The following SUPV3L1 variants were observed in gnomAD, a reference collection of about 807,000 sequenced individuals.
The protein encoded by SUPV3L1 is Suv3 like RNA helicase.
SUPV3L1 carries 35 observed loss-of-function variants against 70.0 expected under a neutral mutation model. The ratio of observed to expected loss-of-function variants is 0.50; its 90% CI spans 0.38 to 0.66. The LOEUF is 0.66. Among genes scored for constraint, SUPV3L1 ranks in the 30% least tolerant of loss-of-function variants. The pLI is 0.00. For missense variants in SUPV3L1, 777 were observed against 961.5 expected (o/e 0.81, Z 2.54); for synonymous variants, 364 against 341.9 (o/e 1.06, Z -0.71).
At chr10:69,196,353 G>A (rs113260856) in intron 7 of SUPV3L1, among the ~76,000 whole-genome samples, 353 of 152,146 alleles carry the variant, frequency 2.3e-3, no homozygotes, top group African/African-American at 7.8e-3. Context: ...TTAGCCAGGC[G>A]TGGTGGCGCA....
chr10:69,199,267 T>G, intron 10 of SUPV3L1, 70 bp downstream of exon 10: 1 of 1,210,382 alleles, frequency 8.3e-7, no homozygotes, highest in Non-Finnish European at 1.2e-6. Context: ...TTTTCAGTTT[T>G]CTAATTGGCA....
intron 6 of SUPV3L1, chr10:69,192,883 A>G (rs1842434180): frequency 6.6e-6 from 1 of 152,116 alleles, no homozygotes; most frequent in Non-Finnish European, 1.5e-5. Context: ...TTTTTTATTA[A>G]TAAATTTTTT....
At chr10:69,190,522 T>C (rs779096418) in intron 5 of SUPV3L1, among the ~76,000 whole-genome samples, 5 of 152,234 alleles carry the variant, frequency 3.3e-5, no homozygotes, top group Admixed American at 2.6e-4. Context: ...AACAGACTTT[T>C]ACGTAACCAC....
In SUPV3L1 at chr10:69,180,452, G is replaced by C; in HGVS notation, c.161G>C (p.Gly54Ala). The change falls in exon 1 of 15, where the codon GGT becomes GCT. Residue 54 changes from glycine (G) to alanine (A), a missense_variant. Physicochemically the swap from Gly to Ala is moderately conservative, Grantham distance 60 (BLOSUM62 0). Coordinates refer to ENST00000359655, the MANE Select transcript of SUPV3L1 (RefSeq NM_003171.5). ...GCCACCGCCTCCTCCTCTGCCTCCGGTGGCTCCAAAATACCAAACACGTCC... is the reference window on the plus strand; with the variant it reads ...GCCACCGCCTCCTCCTCTGCCTCCGCTGGCTCCAAAATACCAAACACGTCC... ...VLATASSSAS[G>A]GSKIPNTSLF... The C allele has an allele frequency of 1.1e-5, 18 of 1,614,232 alleles. No homozygotes were observed. Among genetic ancestry groups the C allele is most frequent in the Non-Finnish European group, 1.5e-5 (18 of 1,180,042 alleles).
In SUPV3L1 at chr10:69,200,472, T is replaced by C; in HGVS notation, c.1491T>C (p.Ile497=). Residue 497 remains isoleucine (I), a synonymous_variant, in exon 11 of 15, where the codon ATT becomes ATC. Coordinates refer to ENST00000359655, the MANE Select transcript of SUPV3L1 (RefSeq NM_003171.5). The part of the protein sequence containing the change: ...NHEDLSLLKE[I]LKRPVDPIRA... ...AAGATCTCAGTTTATTAAAGGAAATTTTGAAGAGGCCTGTGGATCCTATAA... is the reference window on the plus strand; with the variant it reads ...AAGATCTCAGTTTATTAAAGGAAATCTTGAAGAGGCCTGTGGATCCTATAA... 2 of 1,613,988 alleles carry C rather than the reference T, an allele frequency of 1.2e-6. No individual in the cohort carries two copies. The highest frequency in any genetic ancestry group is 2.2e-5 in the South Asian group (2 of 91,064).
chr10:69,181,923 A>G (rs982351003), intron 1 of SUPV3L1, among the ~76,000 whole-genome samples: 2 of 151,878 alleles, frequency 1.3e-5, no homozygotes, highest in Non-Finnish European at 2.9e-5. Context: ...ATGTAATTAT[A>G]CTATTATTTA....
intron 13 of SUPV3L1, among the ~76,000 whole-genome samples, chr10:69,206,646 G>T (rs1276218245): frequency 1.3e-5 from 2 of 152,198 alleles, no homozygotes; most frequent in African/African-American, 2.4e-5. Context: ...CACACAGCTC[G>T]CAGGAGGCAG....
At chr10:69,184,672 C>T (rs983750675) in intron 1 of SUPV3L1, among the ~76,000 whole-genome samples, 5 of 144,556 alleles carry the variant, frequency 3.5e-5, no homozygotes, top group Non-Finnish European at 6.0e-5. Context: ...ATGTGTATCT[C>T]ATATTTAATT....
chr10:69,188,901 GC>G (rs1349301146), intron 4 of SUPV3L1, among the ~76,000 whole-genome samples: 3 of 152,210 alleles, frequency 2.0e-5, no homozygotes, highest in African/African-American at 7.2e-5. Context: ...GAATTCAGGG[GC>G]CTGGGAATGT....
chr10:69,198,886 T>G (rs1842611449), intron 9 of SUPV3L1, among the ~76,000 whole-genome samples: 1 of 152,142 alleles, frequency 6.6e-6, no homozygotes, highest in Non-Finnish European at 1.5e-5. Flanking sequence ...ATAAGGCTAG[T>G]GTGGTGGGGG....
chr10:69,200,306 C>G lies in SUPV3L1; in HGVS notation c.1325C>G (p.Ser442Cys), dbSNP rs768000355. The G allele has an allele frequency of 2.5e-6, 4 of 1,613,836 alleles. No individual in the cohort carries two copies. The highest frequency in any genetic ancestry group is 1.7e-4 in the Middle Eastern group (1 of 6,060). ...AGCATAAGGAGAATTATTTTTTACT[C>G]CCTTATAAAGCCCAGTATCAATGAA... Reference protein sequence around the residue: ...NLSIRRIIFYSLIKPSINEKG... With the variant: ...NLSIRRIIFYCLIKPSINEKG... The change falls in exon 11 of 15, where the codon TCC becomes TGC. Residue 442 changes from serine to cysteine, a missense_variant. By Grantham distance (112) the Ser-to-Cys change is moderately radical. Around this residue, in one of 2 missense-constraint regions of SUPV3L1, gnomAD observed 619 missense variants for 823.3 expected, o/e 0.75. Coordinates refer to ENST00000359655, the MANE Select transcript of SUPV3L1 (RefSeq NM_003171.5).
intron 6 of SUPV3L1, 103 bp downstream of exon 6, chr10:69,191,869 C>G: frequency 1.3e-6 from 1 of 781,146 alleles, no homozygotes; most frequent in Non-Finnish European, 2.0e-6. Flanking sequence ...TGCAATGGTA[C>G]TATCTCGGCT....
chr10:69,191,628 A>G, intron 5 of SUPV3L1, 27 bp from the exon 6 acceptor site: 1 of 1,588,444 alleles, frequency 6.3e-7, no homozygotes, highest in Non-Finnish European at 8.6e-7. Flanking sequence ...ATTTTCAATA[A>G]TTCTAGTTTT....
In SUPV3L1 at chr10:69,198,468, A is replaced by T. The variant is rs1472919627; in HGVS notation, c.1120A>T (p.Ser374Cys). Residue 374 changes from serine to cysteine, a missense_variant, in exon 9 of 15, where the codon AGC (serine) becomes TGC (cysteine). This residue lies in a region of SUPV3L1 where 619 missense variants were observed against 823.3 expected (regional missense o/e 0.75). Coordinates refer to ENST00000359655, the MANE Select transcript of SUPV3L1 (RefSeq NM_003171.5). ...GCCTGGGGACTGCATTGTCTGTTTT[A>T]GCAAGAATGATATTTATTCTGTGAG... The part of the protein sequence containing the change: ...LRPGDCIVCF[S>C]KNDIYSVSRQ... 1 of 1,614,014 alleles carries T rather than the reference A, an allele frequency of 6.2e-7. No homozygotes were observed. The highest frequency in any genetic ancestry group is 1.3e-5 in the African/African-American group (1 of 74,932).
At chr10:69,201,823 G>C (rs537447674) in intron 11 of SUPV3L1, among the ~76,000 whole-genome samples, 1 of 150,348 alleles carries the variant, frequency 6.7e-6, no homozygotes, top group African/African-American at 2.4e-5. Context: ...ACAGGCATGA[G>C]CCACTGCACC....
intron 5 of SUPV3L1, among the ~76,000 whole-genome samples, chr10:69,191,049 A>G (rs932100276): frequency 2.6e-5 from 4 of 152,210 alleles, no homozygotes; most frequent in Non-Finnish European, 2.9e-5. Context: ...GAAACAACTC[A>G]TTTTAATGAA....
At chr10:69,196,096 A>G (rs1167863105) in intron 7 of SUPV3L1, among the ~76,000 whole-genome samples, 1 of 152,082 alleles carries the variant, frequency 6.6e-6, no homozygotes, top group Non-Finnish European at 1.5e-5. Flanking sequence ...CTGTAAGTGG[A>G]GTTCTTGAGG....
chr10:69,207,308 AAG>A (rs951808945), intron 13 of SUPV3L1, among the ~76,000 whole-genome samples: 5 of 152,080 alleles, frequency 3.3e-5, no homozygotes, highest in African/African-American at 1.2e-4. Context: ...GTTTTAGAAA[AAG>A]AAGGAAATCA....
At chr10:69,195,703 T>TC (rs1842524547) in intron 7 of SUPV3L1, among the ~76,000 whole-genome samples, 1 of 152,188 alleles carries the variant, frequency 6.6e-6, no homozygotes, top group Non-Finnish European at 1.5e-5. Context: ...AACCTTTTTT[T>TC]CCCTATTACT....
Sources: gnomAD v4.1 joint callset for allele counts (sites outside exome capture counted in the v4.1 genomes callset) on GRCh38, gnomAD v4.1.1 for gene constraint, gnomAD v4.1.1 regional missense constraint, MANE v1.5 for transcripts, NCBI Gene and HGNC (gene_info 2026-07-23, HGNC 2026-07-21) for gene names.